VNN1: variants seen among roughly 807,000 people sequenced by gnomAD.
The protein encoded by VNN1 is vanin 1, also known as pantetheinase.
Under a neutral mutation model 41.9 loss-of-function variants are expected in VNN1, and 29 were observed. That is an observed-to-expected ratio of 0.69 (90% CI 0.52 to 0.94). The LOEUF is 0.94. VNN1 is among the 40% of genes least tolerant of loss of function. The pLI is 0.00. For synonymous variants in VNN1, 233 were observed against 224.4 expected (o/e 1.04, Z -0.34); for missense variants, 637 against 621.1 (o/e 1.03, Z -0.27).
In VNN1 at chr6:132,684,433, T is replaced by C. The variant is rs537603647; in HGVS notation, c.1261A>G (p.Arg421Gly). The part of the protein sequence containing the change: ...CGDSAETAST[R>G]FEMFSLSGTF... ...CCACTGAGGGAGAACATTTCAAACC[T>C]GGTAGAAGCTGTTTCAGCTGAGTCA... Residue 421 changes from arginine to glycine, a missense_variant, in exon 6 of 7, where the codon AGG becomes GGG. By Grantham distance (125) the Arg-to-Gly change is moderately radical. Transcript: ENST00000367928. The C allele has an allele frequency of 2.4e-5, 39 of 1,614,084 alleles. No individual in the cohort carries two copies. The highest frequency in any genetic ancestry group is 1.7e-4 in the Admixed American group (10 of 60,018).
chr6:132,681,313 G>C lies in VNN1; in HGVS notation c.*1827C>G. ...TTTTTCTAGCATCCTAAAGAATGGA[G>C]GCCTGGCAACCGCCGTGAGTGAGCT... On this transcript the variant is annotated 3_prime_UTR_variant, in exon 7 of 7. Transcript: ENST00000367928. 6.6e-6 allele frequency among the ~76,000 whole-genome samples: 1 copy of C among 152,114 alleles called. No individual in the cohort carries two copies. Among genetic ancestry groups the C allele is most frequent in the East Asian group, 1.9e-4 (1 of 5,196 alleles).
intron 2 of VNN1, among the ~76,000 whole-genome samples, chr6:132,708,394 C>G (rs1356754471): frequency 6.6e-6 from 1 of 152,044 alleles, no homozygotes; most frequent in Non-Finnish European, 1.5e-5. Context: ...TTAGAAACTT[C>G]AAATCCTTCT....
At chr6:132,711,653 C>A in intron 2 of VNN1, 56 bp downstream of exon 2, 1 of 1,577,934 alleles carries the variant, frequency 6.3e-7, no homozygotes, top group South Asian at 1.2e-5. Context: ...ACAAAGTTTT[C>A]CCAGGTAAAT....
chr6:132,703,700 T>C (rs561727242), intron 2 of VNN1, among the ~76,000 whole-genome samples: 20 of 152,042 alleles, frequency 1.3e-4, no homozygotes, highest in Non-Finnish European at 2.5e-4. Context: ...ATGTCCTTAC[T>C]TAACAATAAA....
chr6:132,704,604 AAAG>A (rs1778492578), intron 2 of VNN1, among the ~76,000 whole-genome samples: 1 of 152,140 alleles, frequency 6.6e-6, no homozygotes, highest in African/African-American at 2.4e-5. Context: ...CTACACTAAC[AAAG>A]AAGAAAACCT....
chr6:132,693,866 T>A, intron 3 of VNN1, 124 bp downstream of exon 3: 1 of 1,135,056 alleles, frequency 8.8e-7, no homozygotes. Context: ...TATCATTACT[T>A]TCTATGCTTT....
At chr6:132,704,476 G>T (rs1778490664) in intron 2 of VNN1, among the ~76,000 whole-genome samples, 1 of 151,950 alleles carries the variant, frequency 6.6e-6, no homozygotes, top group African/African-American at 2.4e-5. Context: ...GGTTAATGAA[G>T]AAATTAAGAA....
chr6:132,692,433 G>A lies in VNN1; in HGVS notation c.978C>T (p.Leu326=). 6.2e-7 allele frequency: 1 copy of A among 1,614,126 alleles called. No homozygotes were observed. The highest frequency in any genetic ancestry group is 8.5e-7 in the Non-Finnish European group (1 of 1,180,026). ...CTTTAAATTCCTTGTTTCCTGATGA[G>A]AGCGCTTCTATACTGCTGGCATAGG... is the stretch of plus-strand genomic sequence containing the variant. ...WTSYASSIEA[L]SSGNKEFKGT... The change falls in exon 5 of 7, where the codon CTC becomes CTT. Residue 326 remains leucine, a synonymous_variant. Transcript: ENST00000367928.
intron 2 of VNN1, among the ~76,000 whole-genome samples, chr6:132,705,654 T>C (rs1396418268): frequency 3.3e-5 from 5 of 152,136 alleles, no homozygotes; most frequent in Admixed American, 6.5e-5. Flanking sequence ...AACATAGTAG[T>C]GGAGGTTCTC....
intron 2 of VNN1, among the ~76,000 whole-genome samples, chr6:132,707,655 G>A (rs1183283950): frequency 1.3e-5 from 2 of 152,220 alleles, no homozygotes; most frequent in African/African-American, 4.8e-5. Context: ...AATAACGTAA[G>A]TTAGGCACAG....
intron 2 of VNN1, among the ~76,000 whole-genome samples, chr6:132,707,520 T>C (rs189067372): frequency 4.6e-5 from 7 of 152,334 alleles, no homozygotes; most frequent in Admixed American, 4.6e-4. Flanking sequence ...CTGTTCACAA[T>C]AGCCAAAATT....
intron 2 of VNN1, among the ~76,000 whole-genome samples, chr6:132,705,814 A>G (rs1376741361): frequency 1.3e-5 from 2 of 152,222 alleles, no homozygotes; most frequent in Non-Finnish European, 2.9e-5. Context: ...CAAATTCAGT[A>G]AAGTTGCAGG....
At chr6:132,691,014 C>G (rs952418366) in intron 5 of VNN1, among the ~76,000 whole-genome samples, 1 of 152,126 alleles carries the variant, frequency 6.6e-6, no homozygotes, top group African/African-American at 2.4e-5. Context: ...GATAAAGGAC[C>G]AAACAATCTG....
intron 2 of VNN1, among the ~76,000 whole-genome samples, chr6:132,707,105 A>G (rs1013405264): frequency 6.6e-6 from 1 of 151,970 alleles, no homozygotes; most frequent in Admixed American, 6.6e-5. Context: ...AGGCACCTGT[A>G]ATCCCAGCTA....
At chr6:132,696,910 C>T (rs1166483083) in intron 2 of VNN1, among the ~76,000 whole-genome samples, 1 of 152,020 alleles carries the variant, frequency 6.6e-6, no homozygotes, top group East Asian at 1.9e-4. Flanking sequence ...TCGAGACCAT[C>T]CTGGCTAACA....
chr6:132,684,585 G>A lies in VNN1; in HGVS notation c.1189-80C>T, dbSNP rs1778180616. On this transcript the variant is annotated intron_variant, in intron 5 of 6. Coordinates refer to ENST00000367928, the MANE Select transcript of VNN1 (RefSeq NM_004666.3). ...ATTTGCTTGATTTAATCATTTCACG[G>A]TGTGTACACATATCAAAACGTCACA... is the stretch of plus-strand genomic sequence containing the variant. The A allele has an allele frequency of 2.8e-6, 4 of 1,453,880 alleles. No individual in the cohort carries two copies. In the Admixed American group the frequency reaches 7.1e-5, roughly 26 times the overall value. The allele number at this position is 1,453,880 out of a possible 1,614,324, so 90.1% of individuals were successfully genotyped here.
intron 2 of VNN1, among the ~76,000 whole-genome samples, chr6:132,706,052 T>C (rs1446700116): frequency 6.6e-6 from 1 of 152,118 alleles, no homozygotes; most frequent in African/African-American, 2.4e-5. Context: ...GTTCATAGAT[T>C]GGAAGAATCA....
intron 2 of VNN1, among the ~76,000 whole-genome samples, chr6:132,708,279 C>A (rs114975731): frequency 6.6e-6 from 1 of 152,186 alleles, no homozygotes; most frequent in Non-Finnish European, 1.5e-5. Context: ...TTGTAATGAG[C>A]AGCTCTTTAC....
chr6:132,694,283 C>T (rs571179554), intron 2 of VNN1, 101 bp from the exon 3 acceptor site: 2 of 1,143,162 alleles, frequency 1.7e-6, no homozygotes, highest in East Asian at 2.7e-5. Flanking sequence ...TTGATATATG[C>T]AAAAGTAAAT....
Sources: allele counts gnomAD v4.1 joint callset (sites outside exome capture counted in the v4.1 genomes callset), GRCh38; gene constraint gnomAD v4.1.1; transcripts MANE v1.5; gene names NCBI Gene and HGNC (gene_info 2026-07-23, HGNC 2026-07-21).